The following CLVS1 variants were observed in gnomAD, a reference collection of about 807,000 sequenced individuals.
CLVS1 encodes clavesin 1.
A neutral mutation model predicts 33.1 loss-of-function variants in CLVS1; 10 were observed. The observed-to-expected ratio is 0.30, with a 90% CI of 0.19 to 0.51. The LOEUF is 0.51. Ranked by LOEUF, CLVS1 falls within the 20% of genes least tolerant of loss-of-function variation. The pLI is 0.97. For missense variants in CLVS1, 343 were observed against 433.4 expected (o/e 0.79, Z 1.85); for synonymous variants, 163 against 166.1 (o/e 0.98, Z 0.14).
intron 2 of CLVS1, among the ~76,000 whole-genome samples, chr8:61,160,786 TC>T (rs1329899187): frequency 1.1e-4 from 17 of 152,302 alleles, no homozygotes; most frequent in Admixed American, 7.2e-4. Context: ...TATCCAGGCT[TC>T]TCTGAGTCTT....
chr8:61,355,491 G>A (rs1461525949), intron 2 of CLVS1, among the ~76,000 whole-genome samples: 2 of 151,896 alleles, frequency 1.3e-5, no homozygotes, highest in African/African-American at 2.4e-5. Context: ...GTATACATGT[G>A]CCATGCTGGT....
intron 2 of CLVS1, among the ~76,000 whole-genome samples, chr8:61,200,185 C>T (rs755254274): frequency 2.2e-4 from 34 of 152,268 alleles, no homozygotes; most frequent in Middle Eastern, 3.4e-3. Flanking sequence ...GTGGTGCGAT[C>T]TCGGCTCACT....
chr8:61,425,843 T>C (rs1815871836), intron 3 of CLVS1, among the ~76,000 whole-genome samples: 1 of 152,164 alleles, frequency 6.6e-6, no homozygotes, highest in African/African-American at 2.4e-5. Flanking sequence ...TGTTCTTTCT[T>C]GAGGAAAGCT....
At chr8:61,075,969 C>T (rs2129281442) in intron 1 of CLVS1, among the ~76,000 whole-genome samples, 1 of 152,328 alleles carries the variant, frequency 6.6e-6, no homozygotes, top group East Asian at 1.9e-4. Context: ...TACAGGGTCC[C>T]TGCCTTTACT....
chr8:61,049,281 A>C, the CLVS1 span, among the ~76,000 whole-genome samples: 1 of 152,322 alleles, frequency 6.6e-6, no homozygotes, highest in Admixed American at 6.5e-5. Context: ...AGAGGGGAGA[A>C]CTGGACATGG....
intron 5 of CLVS1, among the ~76,000 whole-genome samples, chr8:61,486,126 T>TAAATAAATAAATAAAA (rs1803874032): frequency 1.3e-5 from 2 of 150,344 alleles, no homozygotes; most frequent in African/African-American, 4.9e-5. Flanking sequence ...AATAAATAAA[T>TAAATAAATAAATAAAA]AAAATAAATG....
chr8:61,486,182 C>T (rs966138335), intron 5 of CLVS1, among the ~76,000 whole-genome samples: 11 of 152,032 alleles, frequency 7.2e-5, no homozygotes, highest in African/African-American at 9.7e-5. Flanking sequence ...GGAACAAGAA[C>T]ACAGACAAGG....
chr8:61,295,543 A>G (rs1405368474), intron 1 of CLVS1, among the ~76,000 whole-genome samples: 1 of 152,202 alleles, frequency 6.6e-6, no homozygotes, highest in Non-Finnish European at 1.5e-5. Context: ...ATCCACTGGT[A>G]TATTTAGGCT....
chr8:61,413,000 T>A lies in CLVS1; in HGVS notation c.630+36221T>A, dbSNP rs570524039. On this transcript the variant is annotated intron_variant, in intron 3 of 5. Transcript: ENST00000325897. ...CTCTTCAATTTTTGCCTTCCTGACTTATGTTTAGAAGCTTTGGTGCATTTT... is the reference window on the plus strand; with the variant it reads ...CTCTTCAATTTTTGCCTTCCTGACTAATGTTTAGAAGCTTTGGTGCATTTT... Among the ~76,000 whole-genome samples the A allele has an allele frequency of 4.6e-5, 7 of 152,338 alleles. No homozygotes were observed. In the South Asian group the frequency reaches 1.5e-3, roughly 32 times the overall value.
chr8:61,408,122 G>C (rs974782716), intron 3 of CLVS1, among the ~76,000 whole-genome samples: 1 of 152,086 alleles, frequency 6.6e-6, no homozygotes, highest in East Asian at 1.9e-4. Flanking sequence ...TGGAGTTTAC[G>C]GTCCATTGGG....
upstream of CLVS1, among the ~76,000 whole-genome samples, chr8:61,053,007 A>G (rs959771678): frequency 6.6e-6 from 1 of 152,184 alleles, no homozygotes; most frequent in African/African-American, 2.4e-5. Context: ...GACGTGATTT[A>G]CTGATGGCCT....
At chr8:60,989,250 G>C in the CLVS1 span, among the ~76,000 whole-genome samples, 1 of 151,808 alleles carries the variant, frequency 6.6e-6, no homozygotes, top group Non-Finnish European at 1.5e-5. Flanking sequence ...GCGTGATCTC[G>C]GCTCACTGCA....
At chr8:61,298,917 T>C (rs1810321363) in intron 1 of CLVS1, among the ~76,000 whole-genome samples, 1 of 152,184 alleles carries the variant, frequency 6.6e-6, no homozygotes. Flanking sequence ...TAAGCCCATA[T>C]GGACATTGGG....
rs1226208613 is a variant in CLVS1 at position 61,267,101 on chromosome 8, A to G, written c.-151-32576A>G. 2.0e-5 allele frequency among the ~76,000 whole-genome samples: 3 copies of G among 152,116 alleles called. No individual in the cohort carries two copies. The East Asian group carries it at 5.8e-4, about 29-fold the overall frequency. ...TGCCATTAACCTATTATCTCATTTC[A>G]TTTTATTCACTTGCAGAAAGAAATG... On this transcript the variant is annotated intron_variant, in intron 2 of 2. Coordinates refer to the CLVS1 transcript ENST00000522621.
intron 2 of CLVS1, among the ~76,000 whole-genome samples, chr8:61,227,990 G>A (rs549481717): frequency 7.9e-5 from 12 of 152,296 alleles, no homozygotes; most frequent in Admixed American, 1.3e-4. Flanking sequence ...ATACAATACC[G>A]GAAGTGATGT....
intron 2 of CLVS1, among the ~76,000 whole-genome samples, chr8:61,247,866 G>A (rs1808851262): frequency 6.6e-6 from 1 of 152,090 alleles, no homozygotes; most frequent in South Asian, 2.1e-4. Flanking sequence ...CTTATTCCTA[G>A]GTCCAGGATG....
chr8:61,214,661 CTGCCCAGTT>C (rs1337536108), intron 2 of CLVS1, among the ~76,000 whole-genome samples: 1 of 152,198 alleles, frequency 6.6e-6, no homozygotes, highest in Non-Finnish European at 1.5e-5. Context: ...CTTGCTTAAG[CTGCCCAGTT>C]TGTGGTGATT....
At chr8:61,237,614 C>T (rs369489367) in intron 2 of CLVS1, among the ~76,000 whole-genome samples, 9 of 152,272 alleles carry the variant, frequency 5.9e-5, no homozygotes, top group African/African-American at 2.2e-4. Flanking sequence ...GTGAATTATC[C>T]TCCAAGTTTG....
At chr8:61,367,412 C>T (rs575458510) in intron 2 of CLVS1, among the ~76,000 whole-genome samples, 3 of 152,216 alleles carry the variant, frequency 2.0e-5, no homozygotes, top group Non-Finnish European at 4.4e-5. Context: ...GTGGCTCCTT[C>T]TGCCCTTTCC....
Sources: gnomAD v4.1 joint callset for allele counts (sites outside exome capture counted in the v4.1 genomes callset) on GRCh38, gnomAD v4.1.1 for gene constraint, MANE v1.5 for transcripts, NCBI Gene and HGNC (gene_info 2026-07-23, HGNC 2026-07-21) for gene names.